TIAM1: variants seen among roughly 807,000 people sequenced by gnomAD.
TIAM1 encodes the protein TIAM Rac1 associated GEF 1, also known as rho guanine nucleotide exchange factor TIAM1.
In TIAM1, 65 loss-of-function variants were observed where a neutral mutation model predicts 163.5. The observed-to-expected ratio is 0.40, with a 90% CI of 0.33 to 0.49. TIAM1 has a LOEUF of 0.49. Ranked by LOEUF, TIAM1 falls within the 20% of genes least tolerant of loss-of-function variation. The pLI is 0.77. For synonymous variants in TIAM1, 833 were observed against 810.1 expected (o/e 1.03, Z -0.48); for missense variants, 1,789 against 2,044.7 (o/e 0.87, Z 2.41).
At chr21:31,142,048 C>T (rs1206737490) in intron 20 of TIAM1, among the ~76,000 whole-genome samples, 1 of 152,076 alleles carries the variant, frequency 6.6e-6, no homozygotes, top group Non-Finnish European at 1.5e-5. Context: ...AGAGCCCGGC[C>T]TCCCCAGTTC....
intron 1 of TIAM1, among the ~76,000 whole-genome samples, chr21:31,517,317 T>C (rs1438895587): frequency 3.9e-5 from 6 of 152,108 alleles, no homozygotes; most frequent in Non-Finnish European, 7.4e-5. Flanking sequence ...GAGAATCACT[T>C]GAGGCCAGGA....
In TIAM1 at chr21:31,326,377, CCCAGTGA is replaced by C. The variant is rs1166732767; in HGVS notation, c.-189+12859_-189+12865del. On this transcript the variant is annotated intron_variant, in intron 2 of 27. Transcript: ENST00000541036. ...AGTACTATGGCATTCATGGAGAATC[CCCAGTGA>C]CCAGCTTGGAAGGCAGCTGAAATTT... Among the ~76,000 whole-genome samples, 7 of 152,090 alleles carry C rather than the reference CCCAGTGA, an allele frequency of 4.6e-5. No homozygotes were observed. The East Asian group carries it at 1.3e-3, about 29-fold the overall frequency.
chr21:31,435,259 G>A (rs546414950), intron 2 of TIAM1, among the ~76,000 whole-genome samples: 5 of 152,128 alleles, frequency 3.3e-5, no homozygotes, highest in South Asian at 4.2e-4. Context: ...AATGCTCTTC[G>A]TCTTCAAGTT....
intron 2 of TIAM1, among the ~76,000 whole-genome samples, chr21:31,368,282 C>A (rs1293548116): frequency 6.6e-6 from 1 of 151,298 alleles, no homozygotes; most frequent in Non-Finnish European, 1.5e-5. Flanking sequence ...TTTAATATTC[C>A]ATAATATTAA....
intron 6 of TIAM1, among the ~76,000 whole-genome samples, chr21:31,235,423 AC>A (rs2088699092): frequency 6.6e-6 from 1 of 152,232 alleles, no homozygotes; most frequent in Non-Finnish European, 1.5e-5. Flanking sequence ...ATGTTCATAT[AC>A]CTATATGGGA....
At chr21:31,307,435 C>T (rs539374997) in intron 2 of TIAM1, among the ~76,000 whole-genome samples, 21 of 152,240 alleles carry the variant, frequency 1.4e-4, no homozygotes, top group African/African-American at 3.6e-4. Flanking sequence ...ATCCAGAACA[C>T]GGCCAGAACT....
chr21:31,332,057 A>G (rs845955), intron 2 of TIAM1, among the ~76,000 whole-genome samples: 31,252 of 152,068 alleles, frequency 0.21, 3,622 homozygotes, highest in African/African-American at 0.31. Context: ...TTCCCATTTT[A>G]TTTAATTTTT....
chr21:31,201,111 T>C (rs141721722), intron 12 of TIAM1, among the ~76,000 whole-genome samples: 47 of 152,334 alleles, frequency 3.1e-4, no homozygotes, highest in African/African-American at 1.0e-3. Flanking sequence ...ACATGGAACC[T>C]GGTTAGGCAT....
intron 1 of TIAM1, among the ~76,000 whole-genome samples, chr21:31,549,681 T>A (rs1230760779): frequency 2.0e-5 from 3 of 152,132 alleles, no homozygotes; most frequent in Non-Finnish European, 4.4e-5. Flanking sequence ...TTGACAAAGA[T>A]GTGGGAAAAT....
At chr21:31,349,527 C>T (rs1195754701) in intron 2 of TIAM1, among the ~76,000 whole-genome samples, 1 of 152,144 alleles carries the variant, frequency 6.6e-6, no homozygotes, top group African/African-American at 2.4e-5. Flanking sequence ...TAGTTTGGGA[C>T]CTTTCAGATA....
intron 2 of TIAM1, among the ~76,000 whole-genome samples, chr21:31,398,745 G>C (rs2077114988): frequency 6.6e-6 from 1 of 152,258 alleles, no homozygotes; most frequent in Admixed American, 6.5e-5. Context: ...GTCTGTGCCT[G>C]GGCAGATATG....
At chr21:31,557,974 G>T (rs1001169721) in intron 1 of TIAM1, among the ~76,000 whole-genome samples, 1 of 152,102 alleles carries the variant, frequency 6.6e-6, no homozygotes, top group Non-Finnish European at 1.5e-5. Flanking sequence ...GCGCCGAGAC[G>T]GCATCTTTCC....
At chr21:31,427,582 A>C (rs145430035) in intron 2 of TIAM1, among the ~76,000 whole-genome samples, 100 of 152,032 alleles carry the variant, frequency 6.6e-4, no homozygotes, top group African/African-American at 2.1e-3. Context: ...GCTAATGCCT[A>C]TAAGCCCAGT....
At chr21:31,231,309 A>G (rs566038926) in intron 6 of TIAM1, among the ~76,000 whole-genome samples, 5 of 152,172 alleles carry the variant, frequency 3.3e-5, no homozygotes, top group Admixed American at 2.0e-4. Context: ...CTACCAGCAA[A>G]GTAAGAATTC....
intron 2 of TIAM1, among the ~76,000 whole-genome samples, chr21:31,394,955 G>A (rs751827042): frequency 1.6e-4 from 25 of 152,052 alleles, no homozygotes; most frequent in Non-Finnish European, 2.8e-4. Context: ...CTAGTAAGTG[G>A]GGCCAGGCAT....
intron 2 of TIAM1, among the ~76,000 whole-genome samples, chr21:31,369,970 T>G (rs1285147218): frequency 6.6e-6 from 1 of 152,066 alleles, no homozygotes; most frequent in African/African-American, 2.4e-5. Flanking sequence ...GGGGTAGGAC[T>G]TTTGGGAAAT....
At chr21:31,123,726 G>A (rs1388610183) in intron 27 of TIAM1, among the ~76,000 whole-genome samples, 1 of 152,100 alleles carries the variant, frequency 6.6e-6, no homozygotes, top group East Asian at 1.9e-4. Context: ...GCAAAATTCT[G>A]GGCTGCCTCT....
intron 1 of TIAM1, among the ~76,000 whole-genome samples, chr21:31,475,022 T>C (rs939900706): frequency 3.4e-5 from 1 of 29,042 alleles, no homozygotes; most frequent in Non-Finnish European, 5.6e-5. Flanking sequence ...TGTGAGCTAG[T>C]TTTTTATTAT....
intron 1 of TIAM1, among the ~76,000 whole-genome samples, chr21:31,500,347 C>T (rs1412933153): frequency 1.3e-5 from 2 of 152,100 alleles, no homozygotes; most frequent in Admixed American, 6.5e-5. Context: ...GAAAGAACAA[C>T]AGCAACCTTC....
Sources: allele counts gnomAD v4.1 joint callset (sites outside exome capture counted in the v4.1 genomes callset), GRCh38; gene constraint gnomAD v4.1.1; transcripts MANE v1.5; gene names NCBI Gene and HGNC (gene_info 2026-07-23, HGNC 2026-07-21).